Variants in ARID4B observed in about 807,000 individuals in gnomAD.
ARID4B encodes AT-rich interaction domain 4B, also known as AT-rich interactive domain-containing protein 4B.
In ARID4B, 26 loss-of-function variants were observed where a neutral mutation model predicts 147.5. The observed-to-expected ratio is 0.18, with a 90% CI of 0.13 to 0.24. The LOEUF is 0.24. Ranked by LOEUF, ARID4B falls within the 10% of genes least tolerant of loss-of-function variation. ARID4B has a pLI of 1.00. For synonymous variants in ARID4B, 512 were observed against 507.9 expected, an observed-to-expected ratio of 1.01 and a Z score of -0.11; for missense variants, 1,179 against 1,511.5, an observed-to-expected ratio of 0.78 and a Z score of 3.65.
intron 22 of ARID4B, among the ~76,000 whole-genome samples, chr1:235,173,400 T>C (rs1202043418): frequency 1.3e-5 from 2 of 151,950 alleles, no homozygotes; most frequent in Non-Finnish European, 2.9e-5. Flanking sequence ...GACACCAAAA[T>C]GCTAAATTGT....
intron 17 of ARID4B, among the ~76,000 whole-genome samples, chr1:235,213,136 T>C (rs2103006687): frequency 1.3e-5 from 2 of 152,308 alleles, no homozygotes; most frequent in Middle Eastern, 6.8e-3. Flanking sequence ...GCTTAAGTCA[T>C]TGAACATGAC....
intron 19 of ARID4B, among the ~76,000 whole-genome samples, chr1:235,189,824 T>G (rs1326113840): frequency 6.6e-6 from 1 of 152,012 alleles, no homozygotes; most frequent in African/African-American, 2.4e-5. Context: ...GAAAATCGCT[T>G]GAGCTCAGAA....
intron 8 of ARID4B, among the ~76,000 whole-genome samples, chr1:235,239,402 C>A (rs1027947190): frequency 1.3e-5 from 2 of 152,180 alleles, no homozygotes; most frequent in African/African-American, 4.8e-5. Context: ...GTTAAATCTT[C>A]ATTAAAGTAT....
At chr1:235,234,581 G>A in intron 8 of ARID4B, 89 bp from the exon 9 acceptor site, 1 of 940,930 alleles carries the variant, frequency 1.1e-6, no homozygotes, top group Non-Finnish European at 1.6e-6. Context: ...AAAAGTGTAA[G>A]CTTGAAGTTT....
chr1:235,303,072 C>G (rs1673299129), intron 2 of ARID4B, among the ~76,000 whole-genome samples: 1 of 152,008 alleles, frequency 6.6e-6, no homozygotes, highest in South Asian at 2.1e-4. Flanking sequence ...TACAGGCGCC[C>G]GCCACCACAC....
Position 235,240,310 on chromosome 1 carries a change from C to T in ARID4B, c.585+3G>A, listed in dbSNP as rs1380798276. 1 of 1,609,990 alleles carries T rather than the reference C, an allele frequency of 6.2e-7. No individual in the cohort carries two copies. Among genetic ancestry groups the T allele is most frequent in the East Asian group, 2.2e-5 (1 of 44,768 alleles). ...TAAACTCTTGTATACTGAAGCTACT[C>T]ACCAATGCAGGAAACCACAGTGCTT... On this transcript the variant is annotated splice_donor_region_variant and intron_variant, in intron 8 of 23. Transcript: ENST00000264183.
intron 5 of ARID4B, among the ~76,000 whole-genome samples, chr1:235,254,658 A>T (rs1009372019): frequency 6.6e-6 from 1 of 151,954 alleles, no homozygotes; most frequent in Non-Finnish European, 1.5e-5. Flanking sequence ...TATATTTATA[A>T]CTGAAGTAGT....
At chr1:235,213,419 T>C (rs964280848) in intron 17 of ARID4B, among the ~76,000 whole-genome samples, 1 of 152,204 alleles carries the variant, frequency 6.6e-6, no homozygotes, top group Admixed American at 6.5e-5. Flanking sequence ...GAGGTTACTG[T>C]GGCAATGTAG....
chr1:235,284,028 CGCCCA>C (rs1001372218), intron 2 of ARID4B, among the ~76,000 whole-genome samples: 9 of 152,282 alleles, frequency 5.9e-5, no homozygotes, highest in African/African-American at 2.2e-4. Context: ...TGAACCACCA[CGCCCA>C]GCCTCATTCT....
intron 4 of ARID4B, among the ~76,000 whole-genome samples, chr1:235,255,989 C>G (rs1669959780): frequency 6.6e-6 from 1 of 151,934 alleles, no homozygotes; most frequent in African/African-American, 2.4e-5. Flanking sequence ...GCCTGGCCAA[C>G]ATGGTGAAAC....
chr1:235,226,281 T>C (rs1474189469), intron 11 of ARID4B, among the ~76,000 whole-genome samples: 2 of 152,198 alleles, frequency 1.3e-5, no homozygotes, highest in Non-Finnish European at 2.9e-5. Context: ...TTAAGGAACT[T>C]ACAAATTCGT....
intron 2 of ARID4B, among the ~76,000 whole-genome samples, chr1:235,320,291 A>G (rs1674735225): frequency 6.6e-6 from 1 of 152,118 alleles, no homozygotes; most frequent in Admixed American, 6.5e-5. Flanking sequence ...GGCAACAGAG[A>G]GAGGCTCCGT....
At chr1:235,319,014 G>A (rs142714808) in intron 2 of ARID4B, among the ~76,000 whole-genome samples, 67 of 152,188 alleles carry the variant, frequency 4.4e-4, no homozygotes, top group Admixed American at 9.2e-4. Flanking sequence ...AGATAGCTAG[G>A]GATAAGTAAC....
chr1:235,255,844 G>A, intron 4 of ARID4B, 94 bp from the exon 5 acceptor site: 3 of 781,344 alleles, frequency 3.8e-6, no homozygotes, highest in Non-Finnish European at 6.2e-6. Context: ...GTGCATGATG[G>A]TGAAGAATAA....
rs1158068095 is a variant in ARID4B at position 235,260,639 on chromosome 1, T to C, written c.117+3A>G. ...CAATTTATGAAATCTATAAATACTG[T>C]ACCTTGACTTTGACAAGTCTTTTTG... On this transcript the variant is annotated splice_donor_region_variant and intron_variant, in intron 3 of 23. Transcript: ENST00000264183. 1 of 1,584,186 alleles carries C rather than the reference T, an allele frequency of 6.3e-7. No individual in the cohort carries two copies. The highest frequency in any genetic ancestry group is 8.6e-7 in the Non-Finnish European group (1 of 1,160,040).
chr1:235,180,137 CT>C (rs1166842959), intron 20 of ARID4B: 2,121 of 98,528 alleles, frequency 0.022, 65 homozygotes, highest in African/African-American at 0.075. Flanking sequence ...CTTGTTTTTT[CT>C]TTTTTTTTTT....
intron 5 of ARID4B, among the ~76,000 whole-genome samples, chr1:235,255,287 C>CTATCTATA (rs1669909647): frequency 7.3e-6 from 1 of 136,504 alleles, no homozygotes; most frequent in Non-Finnish European, 1.6e-5. Context: ...CTCTCTCTCT[C>CTATCTATA]TATATATATA....
rs551644581 is a variant in ARID4B at position 235,309,485 on chromosome 1, G to A, written c.6+17429C>T. ...CGGGAGGTAAGGGGCGCCTCTGCCC[G>A]GCCGCCCCTACTGGAAAGTGAGGAG... is the stretch of plus-strand genomic sequence containing the variant. On this transcript the variant is annotated intron_variant, in intron 2 of 23. Coordinates refer to ENST00000264183, the MANE Select transcript of ARID4B (RefSeq NM_016374.6). 8.8e-5 allele frequency among the ~76,000 whole-genome samples: 13 copies of A among 147,398 alleles called. No individual in the cohort carries two copies. In the East Asian group the frequency reaches 1.8e-3, roughly 21 times the overall value.
intron 2 of ARID4B, among the ~76,000 whole-genome samples, chr1:235,291,439 T>A (rs542359105): frequency 1.4e-4 from 22 of 151,882 alleles, no homozygotes; most frequent in South Asian, 4.1e-4. Flanking sequence ...ATAAATAAAA[T>A]AAATTTTTAA....
Sources: gnomAD v4.1 joint callset for allele counts (sites outside exome capture counted in the v4.1 genomes callset) on GRCh38, gnomAD v4.1.1 for gene constraint, MANE v1.5 for transcripts, NCBI Gene and HGNC (gene_info 2026-07-23, HGNC 2026-07-21) for gene names.